ZBBX: variants seen among roughly 807,000 people sequenced by gnomAD.
ZBBX encodes zinc finger B-box domain-containing protein 1.
ZBBX carries 101 observed loss-of-function variants against 108.5 expected under a neutral mutation model. The observed-to-expected ratio is 0.93, with a 90% CI of 0.79 to 1.10. The LOEUF is 1.10. ZBBX is among the 50% of genes least tolerant of loss of function. The probability of loss-of-function intolerance (pLI) is 0.00; values close to 1 mark genes in which losing one functional copy is unlikely to be tolerated. For missense variants in ZBBX, 1,009 were observed against 941.4 expected (o/e 1.07, Z -0.94); for synonymous variants, 356 against 323.4 (o/e 1.10, Z -1.08).
intron 1 of ZBBX, among the ~76,000 whole-genome samples, chr3:167,398,523 A>C (rs1748319613): frequency 6.6e-6 from 1 of 152,080 alleles, no homozygotes; most frequent in African/African-American, 2.4e-5. Flanking sequence ...TATTAGCTAG[A>C]AAATATTTTC....
At chr3:167,277,024 CT>C (rs1196660905) in intron 20 of ZBBX, among the ~76,000 whole-genome samples, 1 of 152,060 alleles carries the variant, frequency 6.6e-6, no homozygotes. Flanking sequence ...AAATAAAACA[CT>C]TTACAGAAAA....
chr3:167,288,819 A>C, intron 19 of ZBBX, 48 bp downstream of exon 19: 1 of 1,344,526 alleles, frequency 7.4e-7, no homozygotes, highest in Non-Finnish European at 1.0e-6. Context: ...AAACTACTAA[A>C]GGAAGTAAGC....
At chr3:167,369,508 G>A (rs1306732681) in intron 4 of ZBBX, among the ~76,000 whole-genome samples, 1 of 152,164 alleles carries the variant, frequency 6.6e-6, no homozygotes, top group Non-Finnish European at 1.5e-5. Context: ...TGTCCAGAGG[G>A]TTCAGAGAAG....
chr3:167,356,179 T>G (rs149873263), intron 8 of ZBBX, among the ~76,000 whole-genome samples: 1 of 152,234 alleles, frequency 6.6e-6, no homozygotes, highest in Non-Finnish European at 1.5e-5. Flanking sequence ...TGTAAGTGCC[T>G]TTTAGCTTTC....
intron 20 of ZBBX, 67 bp downstream of exon 20, chr3:167,282,171 T>C: frequency 6.8e-7 from 1 of 1,478,376 alleles, no homozygotes. Flanking sequence ...TAGCGCAAGA[T>C]ATGAAGAATC....
At chr3:167,267,351 A>G (rs1447180902) in intron 20 of ZBBX, among the ~76,000 whole-genome samples, 1 of 152,188 alleles carries the variant, frequency 6.6e-6, no homozygotes, top group Non-Finnish European at 1.5e-5. Context: ...AAGGGAATTG[A>G]GCGTTAATAA....
At chr3:167,377,989 A>T (rs1577130096) in intron 2 of ZBBX, among the ~76,000 whole-genome samples, 2 of 152,282 alleles carry the variant, frequency 1.3e-5, no homozygotes, top group South Asian at 4.1e-4. Context: ...TGGTTTTATA[A>T]GGGCTATCCC....
intron 1 of ZBBX, among the ~76,000 whole-genome samples, chr3:167,406,567 A>G (rs1427201781): frequency 6.6e-6 from 1 of 152,218 alleles, no homozygotes; most frequent in Non-Finnish European, 1.5e-5. Context: ...CAAATTACAA[A>G]AGAATTAGCC....
At chr3:167,227,686 C>T in the ZBBX span, among the ~76,000 whole-genome samples, 1 of 151,670 alleles carries the variant, frequency 6.6e-6, no homozygotes, top group East Asian at 1.9e-4. Context: ...TTCACAAACC[C>T]CCTGAAAGTT....
At chr3:167,407,231 G>GA (rs1225200634) in intron 1 of ZBBX, among the ~76,000 whole-genome samples, 1 of 152,126 alleles carries the variant, frequency 6.6e-6, no homozygotes, top group East Asian at 1.9e-4. Context: ...ATAAGGATGT[G>GA]AAAAATTAAA....
chr3:167,193,515 G>T, the ZBBX span, among the ~76,000 whole-genome samples: 1 of 152,042 alleles, frequency 6.6e-6, no homozygotes, highest in Non-Finnish European at 1.5e-5. Context: ...CTTCTATTGA[G>T]ATTGAGACAG....
chr3:167,185,024 T>C, the ZBBX span, among the ~76,000 whole-genome samples: 1 of 152,150 alleles, frequency 6.6e-6, no homozygotes, highest in Non-Finnish European at 1.5e-5. Flanking sequence ...TGCATGTGAA[T>C]CTAAATTTAT....
At chr3:167,386,384 T>A (rs1264305862) in intron 1 of ZBBX, among the ~76,000 whole-genome samples, 1 of 152,030 alleles carries the variant, frequency 6.6e-6, no homozygotes, top group East Asian at 1.9e-4. Flanking sequence ...ACCAGAAGAA[T>A]CATAAAGTAA....
At chr3:167,380,866 G>GCACACACACACACA (rs59349359), upstream of ZBBX, among the ~76,000 whole-genome samples, 27 of 141,336 alleles carry the variant, frequency 1.9e-4, no homozygotes, top group South Asian at 4.8e-4. Context: ...GCAAATATAT[G>GCACACACACACACA]CACACACACA....
At chr3:167,364,749 T>A (rs1745072915) in intron 6 of ZBBX, among the ~76,000 whole-genome samples, 1 of 152,002 alleles carries the variant, frequency 6.6e-6, no homozygotes, top group South Asian at 2.1e-4. Flanking sequence ...ACTGGCTTTC[T>A]TTAAGCTTTA....
chr3:167,180,552 G>T, the ZBBX span, among the ~76,000 whole-genome samples: 1 of 152,156 alleles, frequency 6.6e-6, no homozygotes, highest in African/African-American at 2.4e-5. Flanking sequence ...TTTCTTGAGT[G>T]GGGGCAGCAC....
At chr3:167,336,350 C>A (rs1204969054) in intron 9 of ZBBX, among the ~76,000 whole-genome samples, 1 of 152,022 alleles carries the variant, frequency 6.6e-6, no homozygotes, top group Non-Finnish European at 1.5e-5. Context: ...TAAAGTTCTG[C>A]TACTTTAGTA....
intron 9 of ZBBX, among the ~76,000 whole-genome samples, chr3:167,349,150 C>T (rs923403839): frequency 6.6e-6 from 1 of 152,072 alleles, no homozygotes; most frequent in Non-Finnish European, 1.5e-5. Flanking sequence ...TCTCCTACAA[C>T]AGCTAGCACA....
the ZBBX span, among the ~76,000 whole-genome samples, chr3:167,225,283 A>G: frequency 6.6e-6 from 1 of 151,892 alleles, no homozygotes; most frequent in Non-Finnish European, 1.5e-5. Context: ...CTTATTTCTT[A>G]ATTTTTAAAA....
Sources: gnomAD v4.1 joint callset for allele counts (sites outside exome capture counted in the v4.1 genomes callset) on GRCh38, gnomAD v4.1.1 for gene constraint, MANE v1.5 for transcripts, NCBI Gene and HGNC (gene_info 2026-07-23, HGNC 2026-07-21) for gene names.